The following PMP22 variants were observed in gnomAD, a reference collection of about 807,000 sequenced individuals.
The protein encoded by PMP22 is peripheral myelin protein 22, also known as Charcot-Marie-Tooth neuropathy 1A (greatly reduced nerve conduction velocity, hereditary motor sensory neuropathy Ia).
A neutral mutation model predicts 18.9 loss-of-function variants in PMP22; 2 were observed. The ratio of observed to expected loss-of-function variants is 0.11; its 90% CI spans 0.04 to 0.33. The LOEUF is 0.33. Ranked by LOEUF, PMP22 falls within the 10% of genes least tolerant of loss-of-function variation. The probability of loss-of-function intolerance (pLI) is 1.00; values close to 1 mark genes in which losing one functional copy is unlikely to be tolerated. For missense variants in PMP22, 169 were observed against 202.2 expected, an observed-to-expected ratio of 0.84 and a Z score of 1.00; for synonymous variants, 95 against 89.2, an observed-to-expected ratio of 1.07 and a Z score of -0.37.
chr17:15,257,741 A>C (rs1022236437), intron 3 of PMP22, among the ~76,000 whole-genome samples: 17 of 152,232 alleles, frequency 1.1e-4, no homozygotes, highest in African/African-American at 3.9e-4. Context: ...TGCCTTTCAC[A>C]CACTCAGAGA....
rs1906686814 is a variant in PMP22, at chr17:15,235,146, T to C, written c.320-4066A>G. 8.4e-6 allele frequency: 6 copies of C among 713,412 alleles called. No individual in the cohort carries two copies. The South Asian group carries it at 8.9e-5, about 11-fold the overall frequency. The allele number at this position is 713,412 out of a possible 1,614,324, so 44.2% of individuals were successfully genotyped here. A position where few individuals can be genotyped will look rare whatever the true frequency, so the allele number is the denominator to read the frequency against. ...AAATCCTTTTATTTTAAATGCTCTATAGCTATATTGATCTTTCTATTAACA... is the reference window on the plus strand; with the variant it reads ...AAATCCTTTTATTTTAAATGCTCTACAGCTATATTGATCTTTCTATTAACA... On this transcript the variant is annotated intron_variant, in intron 4 of 4. Coordinates refer to ENST00000312280, the MANE Select transcript of PMP22 (RefSeq NM_000304.4).
chr17:15,247,067 CAAAAA>C (rs144096552), intron 3 of PMP22, among the ~76,000 whole-genome samples: 7 of 69,110 alleles, frequency 1.0e-4, no homozygotes, highest in Non-Finnish European at 7.9e-5. Flanking sequence ...AGACTCGTCT[CAAAAA>C]AAAAAAAAAA....
intron 4 of PMP22, among the ~76,000 whole-genome samples, chr17:15,231,639 CT>C (rs1022863386): frequency 6.6e-6 from 1 of 152,178 alleles, no homozygotes; most frequent in African/African-American, 2.4e-5. Context: ...CCTATGGGCA[CT>C]GCCAAACAGA....
Position 15,239,753 on chromosome 17 carries a change from A to G in PMP22, c.179-142T>C, listed in dbSNP as rs117729608. ...GAAGCAGAAGTCCTTTTTCCTTAGC[A>G]GAACTCAGACAATTCACTTTTGCAA... On this transcript the variant is annotated intron_variant, in intron 3 of 4. Transcript: ENST00000312280. 3.2e-3 allele frequency: 2,338 copies of G among 735,406 alleles called. 10 individuals carry two copies. The highest frequency in any genetic ancestry group is 4.5e-3 in the Non-Finnish European group (1,958 of 431,084). The allele number at this position is 735,406 out of a possible 1,614,324, so 45.6% of individuals were successfully genotyped here. A position where few individuals can be genotyped will look rare whatever the true frequency, so the allele number is the denominator to read the frequency against.
chr17:15,231,182 T>A (rs1336356935), intron 4 of PMP22, 102 bp from the exon 5 acceptor site: 1 of 1,157,212 alleles, frequency 8.6e-7, no homozygotes, highest in African/African-American at 1.5e-5. Flanking sequence ...GGAAGAACAT[T>A]TCTACCTCTG....
intron 1 of PMP22, among the ~76,000 whole-genome samples, chr17:15,264,891 G>A (rs1909608172): frequency 6.6e-6 from 1 of 152,180 alleles, no homozygotes; most frequent in Admixed American, 6.5e-5. Flanking sequence ...AAAGCATCTA[G>A]ATTCCTTTCT....
At chr17:15,235,209 T>A (rs896412596) in intron 4 of PMP22, 6 of 717,324 alleles carry the variant, frequency 8.4e-6, no homozygotes, top group African/African-American at 3.5e-5. Context: ...AGAGAGAAAG[T>A]GAAACTCACT....
At chr17:15,237,068 G>A (rs1906878355) in intron 4 of PMP22, among the ~76,000 whole-genome samples, 1 of 152,218 alleles carries the variant, frequency 6.6e-6, no homozygotes, top group African/African-American at 2.4e-5. Context: ...GGGATAAAGA[G>A]GACAAAGTCA....
intron 3 of PMP22, among the ~76,000 whole-genome samples, chr17:15,256,434 G>C (rs554240177): frequency 5.9e-5 from 9 of 152,124 alleles, no homozygotes; most frequent in Non-Finnish European, 1.2e-4. Flanking sequence ...CTGAGGTCAG[G>C]AGTTCGAGAC....
rs570672748 is a variant in PMP22 at position 15,234,034 on chromosome 17, CA to C, written c.320-2955del. 5.3e-5 allele frequency among the ~76,000 whole-genome samples: 8 copies of C among 152,286 alleles called. No individual in the cohort carries two copies. In the East Asian group the frequency reaches 1.4e-3, roughly 26 times the overall value. On this transcript the variant is annotated intron_variant, in intron 4 of 4. Coordinates refer to ENST00000312280, the MANE Select transcript of PMP22 (RefSeq NM_000304.4). The stretch of plus-strand genomic sequence containing the variant: ...CTGGCCATGGTGCAGAAAATGGATT[CA>C]GGGGCAGGGACAAGGCAGGTAGCTG...
intron 4 of PMP22, 23 bp downstream of exon 4, chr17:15,239,448 G>T: frequency 6.2e-7 from 1 of 1,613,922 alleles, no homozygotes; most frequent in Non-Finnish European, 8.5e-7. Flanking sequence ...GCTTCCACAT[G>T]GACTTTACCA....
intron 3 of PMP22, among the ~76,000 whole-genome samples, chr17:15,242,995 T>C (rs559609321): frequency 6.6e-6 from 1 of 152,296 alleles, no homozygotes. Context: ...AGGAATTATA[T>C]AGAGAGCCAC....
intron 3 of PMP22, among the ~76,000 whole-genome samples, chr17:15,256,179 T>TG (rs142690641): frequency 0.092 from 13,929 of 152,192 alleles, 2,050 homozygotes; most frequent in African/African-American, 0.31. Flanking sequence ...AGATGTAGCC[T>TG]GGGGGCAAGA....
At chr17:15,233,959 A>T (rs930423292) in intron 4 of PMP22, among the ~76,000 whole-genome samples, 8 of 152,168 alleles carry the variant, frequency 5.3e-5, no homozygotes, top group African/African-American at 1.7e-4. Context: ...CTCTGAGGAA[A>T]CTTCAGCAGA....
At chr17:15,244,332 A>G (rs1226592482) in intron 3 of PMP22, among the ~76,000 whole-genome samples, 4 of 152,252 alleles carry the variant, frequency 2.6e-5, no homozygotes, top group African/African-American at 2.4e-5. Flanking sequence ...TAATAATAAT[A>G]TTATTATTAT....
At chr17:15,235,089 G>A in intron 4 of PMP22, 1 of 632,302 alleles carries the variant, frequency 1.6e-6, no homozygotes, top group Non-Finnish European at 2.9e-6. Context: ...CAAAGTGTTG[G>A]GATTACAGGC....
In PMP22 at chr17:15,234,425, T is replaced by A. The variant is rs59109674; in HGVS notation, c.320-3345A>T. Among the ~76,000 whole-genome samples the A allele has an allele frequency of 9.9e-3, 1,514 of 152,262 alleles. 18 individuals carry two copies. Among genetic ancestry groups the A allele is most frequent in the African/African-American group, 0.034 (1,431 of 41,552 alleles). On this transcript the variant is annotated intron_variant, in intron 4 of 4. Transcript: ENST00000312280. ...CAGAGAGAAGTTGGCTGGAAAGGGATGTCAGTGAGACCACCAGGGTGGTCA... is the reference window on the plus strand; with the variant it reads ...CAGAGAGAAGTTGGCTGGAAAGGGAAGTCAGTGAGACCACCAGGGTGGTCA...
intron 1 of PMP22, among the ~76,000 whole-genome samples, chr17:15,264,013 A>G (rs940246466): frequency 6.6e-6 from 1 of 152,182 alleles, no homozygotes; most frequent in Non-Finnish European, 1.5e-5. Flanking sequence ...GCAAAAGGAA[A>G]TAGTAATGCC....
At chr17:15,247,545 G>A (rs1400694142) in intron 3 of PMP22, among the ~76,000 whole-genome samples, 1 of 152,160 alleles carries the variant, frequency 6.6e-6, no homozygotes, top group African/African-American at 2.4e-5. Context: ...CTCATTTCAA[G>A]GTCAGATTCC....
Sources: allele counts gnomAD v4.1 joint callset (sites outside exome capture counted in the v4.1 genomes callset), GRCh38; gene constraint gnomAD v4.1.1; transcripts MANE v1.5; gene names NCBI Gene and HGNC (gene_info 2026-07-23, HGNC 2026-07-21).